The following SCYL3 variants were observed in gnomAD, a reference collection of about 807,000 sequenced individuals.
SCYL3 encodes SCY1 like pseudokinase 3.
Under a neutral mutation model 73.8 loss-of-function variants are expected in SCYL3, and 35 were observed. The ratio of observed to expected loss-of-function variants is 0.47; its 90% confidence interval spans 0.36 to 0.63. The LOEUF (loss-of-function observed/expected upper bound fraction) is 0.63, where lower values mean the gene tolerates loss of function less well. Ranked by LOEUF, SCYL3 falls within the 20% of genes least tolerant of loss-of-function variation. The pLI is 0.00. For missense variants in SCYL3, 712 were observed against 798.9 expected, an observed-to-expected ratio of 0.89 and a Z score of 1.31; for synonymous variants, 277 against 295.2, an observed-to-expected ratio of 0.94 and a Z score of 0.63.
intron 2 of SCYL3, among the ~76,000 whole-genome samples, chr1:169,884,105 G>A (rs890530026): frequency 6.6e-6 from 1 of 151,838 alleles, no homozygotes; most frequent in African/African-American, 2.4e-5. Context: ...TTTATTCTTA[G>A]GAAGAAAGTT....
At chr1:169,858,728 A>C (rs918282665) in intron 11 of SCYL3, among the ~76,000 whole-genome samples, 1 of 152,094 alleles carries the variant, frequency 6.6e-6, no homozygotes, top group Non-Finnish European at 1.5e-5. Flanking sequence ...CTCCATTATA[A>C]TGTCATGAGA....
Position 169,854,710 on chromosome 1 carries a change from T to G in SCYL3, c.1567A>C (p.Ser523Arg). 3 of 1,614,082 alleles carry G rather than the reference T, an allele frequency of 1.9e-6. No individual in the cohort carries two copies. The highest frequency in any genetic ancestry group is 8.5e-7 in the Non-Finnish European group (1 of 1,179,956). Residue 523 changes from serine to arginine, a missense_variant, in exon 12 of 13, where the codon AGC (serine) becomes CGC (arginine). Around this residue, in one of 2 missense-constraint regions of SCYL3, gnomAD observed 370 missense variants for 350.8 expected, o/e 1.05. Coordinates refer to ENST00000367771, the MANE Select transcript of SCYL3 (RefSeq NM_020423.7). ...CCTGGGTTTACTTTAGTATCTAAGCTGCTGGGCTCGCAGTCATCCCAAGAT... is the reference window on the plus strand; with the variant it reads ...CCTGGGTTTACTTTAGTATCTAAGCGGCTGGGCTCGCAGTCATCCCAAGAT... Reference protein sequence around the residue: ...ESSWDDCEPSSLDTKVNPGGG... With the variant: ...ESSWDDCEPSRLDTKVNPGGG...
Position 169,852,959 on chromosome 1 carries a change from T to C in SCYL3, c.*754A>G. 7 of 1,614,072 alleles carry C rather than the reference T, an allele frequency of 4.3e-6. No homozygotes were observed. The highest frequency in any genetic ancestry group is 5.9e-6 in the Non-Finnish European group (7 of 1,179,960). On this transcript the variant is annotated 3_prime_UTR_variant, in exon 13 of 13. Transcript: ENST00000367771. ...GCGCTCCAAGAAAGGATGGATAAGCTAAAACGTTACATACATACTCTAGGG... is the reference window on the plus strand; with the variant it reads ...GCGCTCCAAGAAAGGATGGATAAGCCAAAACGTTACATACATACTCTAGGG...
chr1:169,854,381 A>AGAAG lies in SCYL3; in HGVS notation c.1892_1895dup (p.Ala633PhefsTer9). ...GTTCAGGTAATATAAGAAAAGCAGC[A>AGAAG]GAAGGCTTAATTTCTGGGATCATAT... On this transcript the variant is annotated frameshift_variant, in exon 12 of 13. Coordinates refer to ENST00000367771, the MANE Select transcript of SCYL3 (RefSeq NM_020423.7). LOFTEE classifies it high-confidence loss of function. 6.2e-7 allele frequency: 1 copy of AGAAG among 1,614,100 alleles called. No individual in the cohort carries two copies. Among genetic ancestry groups the AGAAG allele is most frequent in the Non-Finnish European group, 8.5e-7 (1 of 1,179,948 alleles).
chr1:169,890,328 G>A (rs1262889896), intron 1 of SCYL3, among the ~76,000 whole-genome samples: 1 of 152,164 alleles, frequency 6.6e-6, no homozygotes, highest in African/African-American at 2.4e-5. Flanking sequence ...TTCAGTGGTG[G>A]CTTTACCATA....
intron 10 of SCYL3, 137 bp downstream of exon 10, chr1:169,862,476 T>A: frequency 1.1e-6 from 1 of 909,380 alleles, no homozygotes; most frequent in Non-Finnish European, 1.7e-6. Flanking sequence ...AATGCAATTT[T>A]AATTTCAGCA....
chr1:169,869,453 T>C (rs1439539123), intron 6 of SCYL3, among the ~76,000 whole-genome samples: 2 of 152,232 alleles, frequency 1.3e-5, no homozygotes, highest in African/African-American at 4.8e-5. Flanking sequence ...CATAGAATAG[T>C]TAGTTCATTA....
chr1:169,880,761 A>G (rs990977153), intron 2 of SCYL3, among the ~76,000 whole-genome samples: 1 of 132,240 alleles, frequency 7.6e-6, no homozygotes, highest in African/African-American at 2.6e-5. Context: ...TATGAAGGCC[A>G]CTTTTTTTTT....
chr1:169,854,028 A>C (rs1658820051), intron 12 of SCYL3: 5 of 571,182 alleles, frequency 8.8e-6, no homozygotes, highest in Non-Finnish European at 1.2e-5. Flanking sequence ...CCTTATTTTA[A>C]TCCCTTTTTT....
In SCYL3 at chr1:169,850,464, A is replaced by G. The variant is rs6664099; in HGVS notation, c.*3249T>C. The G allele has an allele frequency of 0.62, 416,480 of 670,538 alleles. 130,486 individuals are homozygous for G. Among genetic ancestry groups the G allele is most frequent in the Middle Eastern group, 0.76 (2,982 of 3,932 alleles). 41.5% of individuals were successfully genotyped at this position (670,538 alleles called of 1,614,324 possible). A position where few individuals can be genotyped will look rare whatever the true frequency, so the allele number is the denominator to read the frequency against. The stretch of plus-strand genomic sequence containing the variant: ...TTAAACTTTTCACAGTGCTGAGCAC[A>G]GTGCTGACGACTTTTACTAAGCAAT... On this transcript the variant is annotated 3_prime_UTR_variant, in exon 13 of 13. Coordinates refer to ENST00000367771, the MANE Select transcript of SCYL3 (RefSeq NM_020423.7).
At chr1:169,892,294 TTGCTGC>T (rs1409332046) in intron 1 of SCYL3, among the ~76,000 whole-genome samples, 1 of 152,244 alleles carries the variant, frequency 6.6e-6, no homozygotes, top group Non-Finnish European at 1.5e-5. Flanking sequence ...TCTTGTTCTG[TTGCTGC>T]TGGCCTAGAG....
At chr1:169,856,997 C>T (rs891792579) in intron 11 of SCYL3, among the ~76,000 whole-genome samples, 1 of 152,208 alleles carries the variant, frequency 6.6e-6, no homozygotes, top group Non-Finnish European at 1.5e-5. Flanking sequence ...AATTACATAA[C>T]AAGTTCATTG....
At position 169,878,625 on chromosome 1, in the gene SCYL3, G is replaced by T. The variant is rs947808066; in HGVS notation, c.351+9C>A. The stretch of plus-strand genomic sequence containing the variant: ...AAAGTCTGTGATGCAGACTATACAG[G>T]TTACTTACTCTGTCATGAAGGAAGA... On this transcript the variant is annotated intron_variant, in intron 3 of 12. Transcript: ENST00000367771. 6.2e-7 allele frequency: 1 copy of T among 1,606,338 alleles called. No homozygotes were observed. The highest frequency in any genetic ancestry group is 8.5e-7 in the Non-Finnish European group (1 of 1,175,670).
intron 6 of SCYL3, 110 bp from the exon 7 acceptor site, chr1:169,869,149 A>C: frequency 1.3e-6 from 1 of 783,930 alleles, no homozygotes; most frequent in Non-Finnish European, 2.1e-6. Flanking sequence ...CCAAACAAAC[A>C]AAGCCCTGGC....
Position 169,856,142 on chromosome 1 carries a change from C to A in SCYL3, c.1313-1178G>T, listed in dbSNP as rs538179125. On this transcript the variant is annotated intron_variant, in intron 11 of 12. Coordinates refer to ENST00000367771, the MANE Select transcript of SCYL3 (RefSeq NM_020423.7). Reference sequence around the variant, plus strand: ...CCCATTATGGAATGGACTGCCTGTCCCTAGAGGTGTTTAAGAACAGGCTGT... The same window carrying A: ...CCCATTATGGAATGGACTGCCTGTCACTAGAGGTGTTTAAGAACAGGCTGT... Among the ~76,000 whole-genome samples, 3 of 152,142 alleles carry A rather than the reference C, an allele frequency of 2.0e-5. No individual in the cohort carries two copies. In the South Asian group the frequency reaches 6.2e-4, roughly 32 times the overall value.
intron 4 of SCYL3, among the ~76,000 whole-genome samples, chr1:169,875,518 C>T (rs1660733386): frequency 6.6e-6 from 1 of 152,142 alleles, no homozygotes; most frequent in African/African-American, 2.4e-5. Context: ...TTGGGCAACT[C>T]GGACAATTGT....
Position 169,850,302 on chromosome 1 carries a change from G to A in SCYL3, c.*3411C>T, listed in dbSNP as rs1657956869. On this transcript the variant is annotated 3_prime_UTR_variant, in exon 13 of 13. Coordinates refer to ENST00000367771, the MANE Select transcript of SCYL3 (RefSeq NM_020423.7). ...GAAGAGATAGTTCCACAGTGTCTCA[G>A]TTCTGAAGAAACTAAGAACAAAGTT... is the stretch of plus-strand genomic sequence containing the variant. The A allele has an allele frequency of 6.2e-7, 1 of 1,612,572 alleles. No individual in the cohort carries two copies. The highest frequency in any genetic ancestry group is 1.3e-5 in the African/African-American group (1 of 74,858).
chr1:169,851,673 A>AAG lies in SCYL3; in HGVS notation c.*2038_*2039dup. 1.1e-6 allele frequency: 1 copy of AAG among 876,960 alleles called. No individual in the cohort carries two copies. The highest frequency in any genetic ancestry group is 1.8e-6 in the Non-Finnish European group (1 of 565,934). The allele number at this position is 876,960 out of a possible 1,614,324, so 54.3% of individuals were successfully genotyped here. The stretch of plus-strand genomic sequence containing the variant: ...AGAGTGATTTAATCCAGATTATACT[A>AAG]AGAGTATTTATAGATCAGTCCATGT... On this transcript the variant is annotated 3_prime_UTR_variant, in exon 13 of 13. Transcript: ENST00000367771.
chr1:169,855,683 A>T, intron 11 of SCYL3: 1 of 952,038 alleles, frequency 1.1e-6, no homozygotes, highest in Non-Finnish European at 1.5e-6. Flanking sequence ...AAAGCTGACT[A>T]CATAATTACA....
Sources: allele counts gnomAD v4.1 joint callset (sites outside exome capture counted in the v4.1 genomes callset), GRCh38; gene constraint gnomAD v4.1.1; regional missense constraint gnomAD v4.1.1; transcripts MANE v1.5; gene names NCBI Gene and HGNC (gene_info 2026-07-23, HGNC 2026-07-21).